SLC22A23: variants seen among roughly 807,000 people sequenced by gnomAD.
SLC22A23 encodes solute carrier family 22 member 23, also known as ion transporter protein.
SLC22A23 carries 26 observed loss-of-function variants against 61.0 expected under a neutral mutation model. The ratio of observed to expected loss-of-function variants is 0.43; its 90% CI spans 0.31 to 0.59. The LOEUF (loss-of-function observed/expected upper bound fraction) is 0.59. SLC22A23 is among the 20% of genes least tolerant of loss of function. The pLI, the probability that SLC22A23 is intolerant of heterozygous loss-of-function variation, is 0.11. For missense variants in SLC22A23, 796 were observed against 934.7 expected, an observed-to-expected ratio of 0.85 and a Z score of 1.94; for synonymous variants, 430 against 413.9, an observed-to-expected ratio of 1.04 and a Z score of -0.47.
chr6:3,346,592 T>G (rs763942003), intron 3 of SLC22A23, among the ~76,000 whole-genome samples: 1 of 152,206 alleles, frequency 6.6e-6, no homozygotes, highest in South Asian at 2.1e-4. Context: ...CTTTAAACCC[T>G]TGTGTTGGCA....
intron 1 of SLC22A23, among the ~76,000 whole-genome samples, chr6:3,442,158 G>C (rs893508872): frequency 1.3e-5 from 2 of 152,178 alleles, no homozygotes; most frequent in African/African-American, 2.4e-5. Context: ...ACATCACGCT[G>C]AGCGACATGA....
At position 3,339,612 on chromosome 6, in the gene SLC22A23, G is replaced by A. The variant is rs550092176; in HGVS notation, c.914-15610C>T. Among the ~76,000 whole-genome samples, 13 of 152,246 alleles carry A rather than the reference G, an allele frequency of 8.5e-5. 1 individual carries two copies. The South Asian group carries it at 2.7e-3, about 32-fold the overall frequency. On this transcript the variant is annotated intron_variant, in intron 3 of 9. Coordinates refer to ENST00000406686, the MANE Select transcript of SLC22A23 (RefSeq NM_015482.2). ...AAAACAGGTTGCAGTAAAGGAGCCG[G>A]CCAAAACACACCTAACCCAAGATGG...
chr6:3,281,606 G>A (rs1462367897), intron 9 of SLC22A23, among the ~76,000 whole-genome samples: 2 of 152,202 alleles, frequency 1.3e-5, no homozygotes, highest in South Asian at 2.1e-4. Context: ...TGGAGCTCAC[G>A]GGCCCCAGGC....
Position 3,456,560 on chromosome 6 carries a change from G to C in SLC22A23, c.-1C>G, listed in dbSNP as rs905674780. ...CCTCGCGCCGCCGGTCTATGGCCAT[G>C]GCCCGGGCCCGCGGCTCCCGCAGAG... On this transcript the variant is annotated 5_prime_UTR_variant, in exon 1 of 10. Coordinates refer to ENST00000406686, the MANE Select transcript of SLC22A23 (RefSeq NM_015482.2). This position sits in a 1 kb window ranked among gnomAD's most constrained non-coding sequence, Gnocchi z 7.1. The C allele has an allele frequency of 1.3e-5, 13 of 983,654 alleles. No individual in the cohort carries two copies. The highest frequency in any genetic ancestry group is 3.5e-5 in the African/African-American group (2 of 56,634). 60.9% of individuals were successfully genotyped at this position (983,654 alleles called of 1,614,324 possible). A position where few individuals can be genotyped will look rare whatever the true frequency, so the allele number is the denominator to read the frequency against.
At chr6:3,298,371 C>T (rs540251628) in intron 4 of SLC22A23, among the ~76,000 whole-genome samples, 153 bp from the exon 5 acceptor site, 13 of 152,216 alleles carry the variant, frequency 8.5e-5, no homozygotes, top group African/African-American at 2.9e-4. Flanking sequence ...ACTGTGGGCA[C>T]TGAAACGTTC....
chr6:3,382,594 G>A (rs1331876104), intron 3 of SLC22A23, among the ~76,000 whole-genome samples: 1 of 152,222 alleles, frequency 6.6e-6, no homozygotes, highest in Non-Finnish European at 1.5e-5. Flanking sequence ...ATCTACGACA[G>A]AGGTTGGCAA....
chr6:3,371,730 C>T (rs1766231696), intron 3 of SLC22A23, among the ~76,000 whole-genome samples: 1 of 152,076 alleles, frequency 6.6e-6, no homozygotes, highest in African/African-American at 2.4e-5. Flanking sequence ...TGATGATAAC[C>T]ACATTGATAA....
chr6:3,361,967 T>C (rs528787828), intron 3 of SLC22A23, among the ~76,000 whole-genome samples: 2 of 152,200 alleles, frequency 1.3e-5, no homozygotes, highest in Non-Finnish European at 2.9e-5. Context: ...CATGCCAGAG[T>C]GCACACAAGG....
At chr6:3,344,138 T>C (rs1347175611) in intron 3 of SLC22A23, among the ~76,000 whole-genome samples, 4 of 152,164 alleles carry the variant, frequency 2.6e-5, no homozygotes, top group Non-Finnish European at 4.4e-5. Context: ...TAAAATTAGG[T>C]ACAAGTAAAC....
At chr6:3,296,749 A>T (rs1761134683) in intron 5 of SLC22A23, among the ~76,000 whole-genome samples, 1 of 151,906 alleles carries the variant, frequency 6.6e-6, no homozygotes. Context: ...AGCCTGGGTG[A>T]CCTGACTCTC....
chr6:3,367,461 C>A (rs918728605), intron 3 of SLC22A23, among the ~76,000 whole-genome samples: 1 of 152,200 alleles, frequency 6.6e-6, no homozygotes, highest in Admixed American at 6.5e-5. Context: ...TCTCCCATTG[C>A]CTTAGGAACA....
At chr6:3,431,768 G>A (rs1431758276) in intron 1 of SLC22A23, among the ~76,000 whole-genome samples, 1 of 152,208 alleles carries the variant, frequency 6.6e-6, no homozygotes, top group East Asian at 1.9e-4. Flanking sequence ...AGGGCACAAG[G>A]CAAACAAACG....
chr6:3,426,455 T>A (rs1770497005), intron 1 of SLC22A23, among the ~76,000 whole-genome samples: 1 of 152,138 alleles, frequency 6.6e-6, no homozygotes, highest in Admixed American at 6.5e-5. Context: ...TGGTACTACC[T>A]TCATTCTAGT....
At position 3,372,161 on chromosome 6, in the gene SLC22A23, G is replaced by A. The variant is rs961194340; in HGVS notation, c.913+38027C>T. ...TAGTCCAGGATCTGAGCTCTGCCTC[G>A]AGGGCACAGACTCCTGTGATGAGGC... On this transcript the variant is annotated intron_variant, in intron 3 of 9. Coordinates refer to ENST00000406686, the MANE Select transcript of SLC22A23 (RefSeq NM_015482.2). The surrounding 1 kb of genome is among the most constrained non-coding windows in gnomAD (Gnocchi z 4.7). 3.3e-5 allele frequency among the ~76,000 whole-genome samples: 5 copies of A among 152,186 alleles called. No homozygotes were observed. Among genetic ancestry groups the A allele is most frequent in the African/African-American group, 7.2e-5 (3 of 41,450 alleles).
Position 3,298,102 on chromosome 6 carries a change from C to G in SLC22A23, c.1199G>C (p.Gly400Ala). Residue 400 changes from glycine to alanine, a missense_variant, in exon 5 of 10, where the codon GGT (glycine) becomes GCT (alanine). Gly to Ala is a moderately conservative substitution (Grantham distance 60). Coordinates refer to ENST00000406686, the MANE Select transcript of SLC22A23 (RefSeq NM_015482.2). ...CGCGGTGTGCTCACCTGGTATCACA[C>G]CCTTGATGTCGCCCTCAGGGTTCAT... is the stretch of plus-strand genomic sequence containing the variant. ...NRMNPEGDIK[G>A]VIPELEKELS... 6.4e-7 allele frequency: 1 copy of G among 1,570,252 alleles called. No individual in the cohort carries two copies. Among genetic ancestry groups the G allele is most frequent in the Non-Finnish European group, 8.6e-7 (1 of 1,161,752 alleles).
rs1378378499 is a variant in SLC22A23 at position 3,334,036 on chromosome 6, T to C, written c.914-10034A>G. ...TGAAGAGTTTTATACATCTCAGCCC[T>C]GAGATCCTATAATTAATTTTTCCAT... On this transcript the variant is annotated intron_variant, in intron 3 of 9. Transcript: ENST00000406686. Among the ~76,000 whole-genome samples the C allele has an allele frequency of 2.6e-5, 4 of 152,246 alleles. No homozygotes were observed. In the East Asian group the frequency reaches 7.7e-4, roughly 29 times the overall value.
intron 3 of SLC22A23, among the ~76,000 whole-genome samples, chr6:3,381,046 G>A (rs1007505608): frequency 1.3e-5 from 2 of 152,208 alleles, no homozygotes; most frequent in Non-Finnish European, 2.9e-5. Flanking sequence ...CTGCTTCAGA[G>A]ATGCCTCGTA....
chr6:3,394,190 G>A (rs1241455822), intron 3 of SLC22A23, among the ~76,000 whole-genome samples: 2 of 152,106 alleles, frequency 1.3e-5, no homozygotes, highest in Admixed American at 6.5e-5. Flanking sequence ...GTAATATCCC[G>A]GGACTGCAGC....
intron 1 of SLC22A23, among the ~76,000 whole-genome samples, chr6:3,448,123 G>C (rs1410544628): frequency 6.7e-6 from 1 of 148,594 alleles, no homozygotes; most frequent in Non-Finnish European, 1.5e-5. Flanking sequence ...GGCTGGTCTT[G>C]AACTCCTGAC....
Sources: gnomAD v4.1 joint callset for allele counts (sites outside exome capture counted in the v4.1 genomes callset) on GRCh38, gnomAD v4.1.1 for gene constraint, Gnocchi (gnomAD v3.1) non-coding constraint, MANE v1.5 for transcripts, NCBI Gene and HGNC (gene_info 2026-07-23, HGNC 2026-07-21) for gene names.